Variants in NEK10 observed in about 807,000 individuals in gnomAD.
NEK10 encodes the protein serine/threonine-protein kinase Nek10.
Under a neutral mutation model 159.8 loss-of-function variants are expected in NEK10, and 122 were observed. The observed-to-expected ratio is 0.76, with a 90% CI of 0.66 to 0.89. The LOEUF (loss-of-function observed/expected upper bound fraction) is 0.89, where lower values mean the gene tolerates loss of function less well. Ranked by LOEUF, NEK10 falls within the 40% of genes least tolerant of loss-of-function variation. NEK10 has a pLI of 0.00. For missense variants in NEK10, 1,342 were observed against 1,323.1 expected (o/e 1.01, Z -0.22); for synonymous variants, 466 against 457.1 (o/e 1.02, Z -0.25).
chr3:27,289,160 A>G (rs2042824340), intron 19 of NEK10, among the ~76,000 whole-genome samples: 1 of 152,224 alleles, frequency 6.6e-6, no homozygotes, highest in Non-Finnish European at 1.5e-5. Context: ...AGAGAGAAAA[A>G]AGCCTGCATC....
intron 4 of NEK10, among the ~76,000 whole-genome samples, chr3:27,345,372 T>C (rs892644591): frequency 1.3e-5 from 2 of 152,230 alleles, no homozygotes; most frequent in Non-Finnish European, 2.9e-5. Flanking sequence ...TATGAACACA[T>C]GAAATGTCAT....
chr3:27,178,088 C>A (rs1446285299), intron 26 of NEK10, among the ~76,000 whole-genome samples: 1 of 152,174 alleles, frequency 6.6e-6, no homozygotes, highest in Admixed American at 6.5e-5. Flanking sequence ...AAAATTATCA[C>A]TGATATGGAA....
At chr3:27,240,363 T>C (rs1206744617) in intron 23 of NEK10, among the ~76,000 whole-genome samples, 1 of 152,196 alleles carries the variant, frequency 6.6e-6, no homozygotes, top group Non-Finnish European at 1.5e-5. Flanking sequence ...GTATTTGTAT[T>C]CAAGCCAAAT....
chr3:27,296,162 A>C (rs2043339679), intron 14 of NEK10, among the ~76,000 whole-genome samples: 1 of 152,096 alleles, frequency 6.6e-6, no homozygotes, highest in Non-Finnish European at 1.5e-5. Context: ...GGAATGAACA[A>C]ATAATAATAC....
chr3:27,307,247 G>C (rs540093226), intron 11 of NEK10, among the ~76,000 whole-genome samples: 1 of 152,152 alleles, frequency 6.6e-6, no homozygotes, highest in Non-Finnish European at 1.5e-5. Flanking sequence ...AAGTGTCAGG[G>C]CTCCATTGCT....
intron 35 of NEK10, among the ~76,000 whole-genome samples, chr3:27,115,090 C>T (rs1489643310): frequency 2.6e-5 from 4 of 152,150 alleles, no homozygotes; most frequent in African/African-American, 9.6e-5. Flanking sequence ...AAAAACAGGG[C>T]ATTAACACTT....
intron 20 of NEK10, among the ~76,000 whole-genome samples, chr3:27,285,222 C>G (rs923303095): frequency 2.0e-5 from 3 of 152,098 alleles, no homozygotes; most frequent in Non-Finnish European, 4.4e-5. Flanking sequence ...GCAAATGTAT[C>G]ATTTTCTATG....
At chr3:27,178,328 AT>A (rs1947734795) in intron 26 of NEK10, among the ~76,000 whole-genome samples, 1 of 152,230 alleles carries the variant, frequency 6.6e-6, no homozygotes, top group African/African-American at 2.4e-5. Context: ...AATTTTTAAA[AT>A]TGCCAGAAAG....
At chr3:27,277,913 C>G (rs1223436949) in intron 22 of NEK10, among the ~76,000 whole-genome samples, 1 of 152,168 alleles carries the variant, frequency 6.6e-6, no homozygotes, top group Non-Finnish European at 1.5e-5. Flanking sequence ...GAAGCAAGTA[C>G]AGAGGAAGCT....
At chr3:27,113,992 G>A (rs1456415073) in intron 35 of NEK10, among the ~76,000 whole-genome samples, 1 of 152,114 alleles carries the variant, frequency 6.6e-6, no homozygotes, top group East Asian at 1.9e-4. Flanking sequence ...GAAATAATGA[G>A]GCTCACAGTT....
intron 22 of NEK10, among the ~76,000 whole-genome samples, chr3:27,266,725 C>T (rs536875533): frequency 3.9e-5 from 6 of 152,296 alleles, no homozygotes; most frequent in South Asian, 2.1e-4. Flanking sequence ...GTCTCTCCTT[C>T]GCCAGCTGGC....
chr3:27,327,551 G>A (rs1223448286), intron 5 of NEK10, among the ~76,000 whole-genome samples: 1 of 152,158 alleles, frequency 6.6e-6, no homozygotes, highest in South Asian at 2.1e-4. Context: ...ATTTGAAAAG[G>A]GAAAGAGTAG....
At chr3:27,265,468 T>C (rs939425923) in intron 22 of NEK10, 4 of 152,254 alleles carry the variant, frequency 2.6e-5, no homozygotes, top group Non-Finnish European at 4.4e-5. Flanking sequence ...TAATCAGCCA[T>C]TCTAATAGGT....
intron 1 of NEK10, among the ~76,000 whole-genome samples, chr3:27,360,616 T>A (rs1015991754): frequency 6.6e-6 from 1 of 152,206 alleles, no homozygotes; most frequent in Non-Finnish European, 1.5e-5. Flanking sequence ...CTTGTTGATA[T>A]TGGCCCTTAG....
At chr3:27,287,771 A>G in intron 19 of NEK10, 28 bp from the exon 20 acceptor site, 1 of 1,507,440 alleles carries the variant, frequency 6.6e-7, no homozygotes, top group Non-Finnish European at 8.8e-7. Flanking sequence ...ACAAACATGT[A>G]TTGCACTGCT....
chr3:27,166,276 G>T (rs1167976219), intron 29 of NEK10, among the ~76,000 whole-genome samples: 4 of 152,132 alleles, frequency 2.6e-5, no homozygotes, highest in African/African-American at 9.7e-5. Context: ...ATGCTCCTGT[G>T]GCTATCCCCT....
At chr3:27,174,208 G>C (rs925953837) in intron 28 of NEK10, among the ~76,000 whole-genome samples, 4 of 152,120 alleles carry the variant, frequency 2.6e-5, no homozygotes, top group Non-Finnish European at 5.9e-5. Context: ...TGCAATTGCT[G>C]GTAGAAATAG....
At chr3:27,299,628 A>G (rs1559458471) in intron 13 of NEK10, among the ~76,000 whole-genome samples, 1 of 152,066 alleles carries the variant, frequency 6.6e-6, no homozygotes, top group Non-Finnish European at 1.5e-5. Flanking sequence ...AGCCAAAGAA[A>G]CTCAACATCA....
chr3:27,305,027 T>G, intron 11 of NEK10, 56 bp from the exon 12 acceptor site: 1 of 1,047,246 alleles, frequency 9.5e-7, no homozygotes. Context: ...TTGATTACTT[T>G]ACATTAAGAC....
Sources: gnomAD v4.1 joint callset for allele counts (sites outside exome capture counted in the v4.1 genomes callset) on GRCh38, gnomAD v4.1.1 for gene constraint, MANE v1.5 for transcripts, NCBI Gene and HGNC (gene_info 2026-07-23, HGNC 2026-07-21) for gene names.